DACH1: variants seen among roughly 807,000 people sequenced by gnomAD.
DACH1 encodes dachshund homolog 1.
A neutral mutation model predicts 54.2 loss-of-function variants in DACH1; 12 were observed. That is an observed-to-expected ratio of 0.22 (90% confidence interval 0.14 to 0.36). DACH1 has a LOEUF of 0.36. DACH1 is among the 10% of genes least tolerant of loss of function. The pLI, the probability that DACH1 is intolerant of heterozygous loss-of-function variation, is 1.00. For missense variants in DACH1, 805 were observed against 929.8 expected, an observed-to-expected ratio of 0.87 and a Z score of 1.75; for synonymous variants, 386 against 366.2, an observed-to-expected ratio of 1.05 and a Z score of -0.62.
In DACH1 at chr13:71,735,107, C is replaced by T. The variant is rs116884917; in HGVS notation, c.849-53197G>A. 2.4e-3 allele frequency among the ~76,000 whole-genome samples: 351 copies of T among 145,080 alleles called. 1 individual carries two copies. The highest frequency in any genetic ancestry group is 7.2e-3 in the African/African-American group (265 of 36,816). On this transcript the variant is annotated intron_variant, in intron 1 of 10. Transcript: ENST00000613252. ...ATATGGGTTATACATATATGGGATACACGTATATGGGTTATACATATATAT... is the reference window on the plus strand; with the variant it reads ...ATATGGGTTATACATATATGGGATATACGTATATGGGTTATACATATATAT...
intron 1 of DACH1, among the ~76,000 whole-genome samples, chr13:71,784,954 T>C (rs1032690025): frequency 7.2e-5 from 11 of 152,162 alleles, no homozygotes; most frequent in African/African-American, 2.4e-4. Context: ...TAATGATCAC[T>C]AGAAAAGCGA....
At chr13:71,549,757 G>C (rs571663320) in intron 6 of DACH1, among the ~76,000 whole-genome samples, 2 of 152,198 alleles carry the variant, frequency 1.3e-5, no homozygotes, top group East Asian at 3.9e-4. Context: ...TGTGTGAGTA[G>C]TTCAAAGACA....
At chr13:71,549,586 A>C (rs768597240) in intron 6 of DACH1, among the ~76,000 whole-genome samples, 5 of 152,288 alleles carry the variant, frequency 3.3e-5, no homozygotes, top group Non-Finnish European at 7.4e-5. Flanking sequence ...AAATCTAAAC[A>C]TAGAAAAGAT....
chr13:71,610,468 T>C (rs892986642), intron 3 of DACH1, among the ~76,000 whole-genome samples: 3 of 152,176 alleles, frequency 2.0e-5, no homozygotes, highest in Non-Finnish European at 4.4e-5. Context: ...TACTATTATA[T>C]ATGAGAACAA....
At position 71,670,525 on chromosome 13, in the gene DACH1, T is replaced by G. The variant is rs140409616; in HGVS notation, c.964+11270A>C. 2.6e-5 allele frequency among the ~76,000 whole-genome samples: 4 copies of G among 152,256 alleles called. No homozygotes were observed. In the East Asian group the frequency reaches 5.8e-4, roughly 22 times the overall value. On this transcript the variant is annotated intron_variant, in intron 2 of 10. Transcript: ENST00000613252. Reference sequence around the variant, plus strand: ...AGAGAGTTCAGTGTCATTAAGTCCCTAAAAAGTAAACATTTCATAACCAAA... The same window carrying G: ...AGAGAGTTCAGTGTCATTAAGTCCCGAAAAAGTAAACATTTCATAACCAAA...
chr13:71,829,915 G>C (rs901299769), intron 1 of DACH1, among the ~76,000 whole-genome samples: 1 of 151,998 alleles, frequency 6.6e-6, no homozygotes, highest in Admixed American at 6.6e-5. Flanking sequence ...AGATGGTTGT[G>C]CACAAGTCTT....
chr13:71,695,382 A>C (rs916166867), intron 1 of DACH1, among the ~76,000 whole-genome samples: 1 of 152,176 alleles, frequency 6.6e-6, no homozygotes, highest in South Asian at 2.1e-4. Context: ...CTCTCTCCAA[A>C]AGTCGTCTTC....
At chr13:71,598,099 A>G (rs149663647) in intron 3 of DACH1, among the ~76,000 whole-genome samples, 2,319 of 152,084 alleles carry the variant, frequency 0.015, 37 homozygotes, top group Middle Eastern at 0.044. Flanking sequence ...AAATAGGCAG[A>G]AATAAGATAG....
At chr13:71,581,615 C>A (rs1443901968) in intron 3 of DACH1, among the ~76,000 whole-genome samples, 2 of 152,098 alleles carry the variant, frequency 1.3e-5, no homozygotes, top group African/African-American at 4.8e-5. Context: ...ATATGTTTAA[C>A]ATTTTGGAAA....
intron 1 of DACH1, among the ~76,000 whole-genome samples, chr13:71,851,395 GTTA>G (rs1873656033): frequency 6.6e-6 from 1 of 152,032 alleles, no homozygotes; most frequent in Non-Finnish European, 1.5e-5. Flanking sequence ...AAATAATGAT[GTTA>G]TTGGCCATTT....
intron 1 of DACH1, among the ~76,000 whole-genome samples, chr13:71,786,232 A>T (rs1259095609): frequency 6.6e-6 from 1 of 152,228 alleles, no homozygotes; most frequent in Non-Finnish European, 1.5e-5. Flanking sequence ...GCTTATGCAC[A>T]TGTGCATGTA....
chr13:71,779,589 C>A (rs765990676), intron 1 of DACH1, among the ~76,000 whole-genome samples: 3 of 151,936 alleles, frequency 2.0e-5, no homozygotes, highest in Non-Finnish European at 4.4e-5. Flanking sequence ...GCTTGCAGAG[C>A]GCTTTGCATA....
chr13:71,702,743 A>G (rs1030145774), intron 1 of DACH1, among the ~76,000 whole-genome samples: 2 of 152,270 alleles, frequency 1.3e-5, no homozygotes, highest in South Asian at 2.1e-4. Context: ...TTTTATTTTA[A>G]AGGATTAAAC....
rs181765572 is a variant in DACH1, at chr13:71,486,630, G to T, written c.1722+2367C>A. Among the ~76,000 whole-genome samples the T allele has an allele frequency of 7.2e-5, 11 of 152,136 alleles. No homozygotes were observed. In the East Asian group the frequency reaches 2.1e-3, roughly 29 times the overall value. Reference sequence around the variant, plus strand: ...ATATATTTATAATATACATGTGCATGAAATTCTGTAGGATTTTTAATTTTT... The same window carrying T: ...ATATATTTATAATATACATGTGCATTAAATTCTGTAGGATTTTTAATTTTT... On this transcript the variant is annotated intron_variant, in intron 7 of 10. Transcript: ENST00000613252.
chr13:71,629,005 G>C (rs1876873548), intron 3 of DACH1, among the ~76,000 whole-genome samples: 1 of 152,034 alleles, frequency 6.6e-6, no homozygotes, highest in African/African-American at 2.4e-5. Context: ...AATCCAGATT[G>C]TTTTGTAATA....
chr13:71,679,697 A>G (rs1880779643), intron 2 of DACH1, among the ~76,000 whole-genome samples: 1 of 152,092 alleles, frequency 6.6e-6, no homozygotes, highest in African/African-American at 2.4e-5. Flanking sequence ...TAAAACATGA[A>G]AAGTTGGCCA....
intron 1 of DACH1, among the ~76,000 whole-genome samples, chr13:71,824,197 A>G (rs1888296918): frequency 6.6e-6 from 1 of 151,964 alleles, no homozygotes; most frequent in Non-Finnish European, 1.5e-5. Context: ...TAATCACTAA[A>G]TTTGATCTAC....
chr13:71,461,010 G>T (rs1566272488), intron 10 of DACH1, among the ~76,000 whole-genome samples: 1 of 151,892 alleles, frequency 6.6e-6, no homozygotes, highest in Non-Finnish European at 1.5e-5. Flanking sequence ...ACATTAACCA[G>T]GCTAGGTCCT....
At chr13:71,572,708 T>C in intron 4 of DACH1, 132 bp downstream of exon 4, 1 of 975,352 alleles carries the variant, frequency 1.0e-6, no homozygotes. Context: ...CTACAAGTGA[T>C]TTTTTTTAAT....
Sources: allele counts gnomAD v4.1 joint callset (sites outside exome capture counted in the v4.1 genomes callset), GRCh38; gene constraint gnomAD v4.1.1; transcripts MANE v1.5; gene names NCBI Gene and HGNC (gene_info 2026-07-23, HGNC 2026-07-21).